Variants in HCRTR2 observed in about 807,000 individuals in gnomAD.
HCRTR2 encodes the protein hypocretin receptor 2, also known as orexin receptor type 2.
Under a neutral mutation model 49.0 loss-of-function variants are expected in HCRTR2, and 22 were observed. The ratio of observed to expected loss-of-function variants is 0.45; its 90% CI spans 0.32 to 0.64. HCRTR2 has a LOEUF of 0.64. Ranked by LOEUF, HCRTR2 falls within the 30% of genes least tolerant of loss-of-function variation. HCRTR2 has a pLI of 0.04. For synonymous variants in HCRTR2, 236 were observed against 205.3 expected (o/e 1.15, Z -1.28); for missense variants, 491 against 559.4 (o/e 0.88, Z 1.23).
At chr6:55,133,605 A>G (rs1490813461) in intron 1 of HCRTR2, among the ~76,000 whole-genome samples, 1 of 151,886 alleles carries the variant, frequency 6.6e-6, no homozygotes, top group Non-Finnish European at 1.5e-5. Context: ...GAAACATTGT[A>G]CGTTCTAAGA....
At chr6:55,272,096 A>G (rs1190608673) in intron 4 of HCRTR2, among the ~76,000 whole-genome samples, 1 of 152,152 alleles carries the variant, frequency 6.6e-6, no homozygotes, top group Non-Finnish European at 1.5e-5. Context: ...GTAGCCAAAA[A>G]GTGGAAACAA....
chr6:55,186,800 A>G (rs1581815839), intron 1 of HCRTR2, among the ~76,000 whole-genome samples: 1 of 152,212 alleles, frequency 6.6e-6, no homozygotes, highest in African/African-American at 2.4e-5. Context: ...GGACAGACAT[A>G]TCCTCACCTG....
chr6:55,224,986 AAG>A (rs1765974564), intron 1 of HCRTR2, among the ~76,000 whole-genome samples: 1 of 152,186 alleles, frequency 6.6e-6, no homozygotes, highest in Admixed American at 6.5e-5. Context: ...TCAAATTGCT[AAG>A]AGAGTAGATT....
chr6:55,188,941 T>C (rs1218680983), intron 1 of HCRTR2, among the ~76,000 whole-genome samples: 2 of 152,190 alleles, frequency 1.3e-5, no homozygotes, highest in Admixed American at 6.5e-5. Context: ...TCCACCTACA[T>C]TGGTGAAGTA....
intron 1 of HCRTR2, among the ~76,000 whole-genome samples, chr6:55,184,130 T>G (rs1765178501): frequency 6.6e-6 from 1 of 152,124 alleles, no homozygotes; most frequent in South Asian, 2.1e-4. Flanking sequence ...GATTTCACCG[T>G]GTTGCTCAGA....
chr6:55,171,801 G>A (rs4467775), upstream of HCRTR2, among the ~76,000 whole-genome samples: 24 of 151,978 alleles, frequency 1.6e-4, no homozygotes, highest in African/African-American at 4.4e-4. Context: ...GAAGATTTAC[G>A]AAGAGAAGAC....
chr6:55,204,784 C>G (rs1257061652), intron 1 of HCRTR2, among the ~76,000 whole-genome samples: 1 of 152,034 alleles, frequency 6.6e-6, no homozygotes, highest in Admixed American at 6.6e-5. Flanking sequence ...TTCCCCTCCC[C>G]TCCCCTCCCC....
At chr6:55,118,614 C>G (rs1764152380) in intron 1 of HCRTR2, among the ~76,000 whole-genome samples, 1 of 151,782 alleles carries the variant, frequency 6.6e-6, no homozygotes, top group Non-Finnish European at 1.5e-5. Flanking sequence ...TAGGTAGTAT[C>G]TCATTGTGGT....
intron 1 of HCRTR2, among the ~76,000 whole-genome samples, chr6:55,152,664 T>A (rs1385182083): frequency 6.6e-6 from 1 of 151,928 alleles, no homozygotes; most frequent in Non-Finnish European, 1.5e-5. Flanking sequence ...GGTATCCTCA[T>A]CTGGTAGAAA....
intron 1 of HCRTR2, among the ~76,000 whole-genome samples, chr6:55,239,225 C>A (rs1474089842): frequency 6.6e-6 from 1 of 152,202 alleles, no homozygotes; most frequent in East Asian, 1.9e-4. Flanking sequence ...TTTCCTCAGG[C>A]CAGCCTTAAA....
At chr6:55,151,380 T>G (rs1764662723) in intron 1 of HCRTR2, among the ~76,000 whole-genome samples, 1 of 152,034 alleles carries the variant, frequency 6.6e-6, no homozygotes, top group Non-Finnish European at 1.5e-5. Context: ...TTCTTGTCAT[T>G]TCAACGGTGT....
intron 1 of HCRTR2, among the ~76,000 whole-genome samples, chr6:55,125,703 A>G (rs1024380667): frequency 2.0e-5 from 3 of 152,092 alleles, no homozygotes; most frequent in Non-Finnish European, 4.4e-5. Context: ...TATCCTGAAG[A>G]GTGTTTTCCA....
chr6:55,239,902 G>A (rs1236671577), intron 1 of HCRTR2, among the ~76,000 whole-genome samples: 1 of 150,460 alleles, frequency 6.6e-6, no homozygotes, highest in East Asian at 2.0e-4. Flanking sequence ...CTTAGCCTCC[G>A]GAGTAGCTGG....
At chr6:55,251,539 A>G (rs1318846015) in intron 2 of HCRTR2, among the ~76,000 whole-genome samples, 1 of 151,890 alleles carries the variant, frequency 6.6e-6, no homozygotes, top group Non-Finnish European at 1.5e-5. Context: ...ACTGCAGAAG[A>G]CGCCCTACAC....
intron 1 of HCRTR2, among the ~76,000 whole-genome samples, chr6:55,210,635 C>T (rs1037441962): frequency 1.4e-4 from 22 of 152,184 alleles, no homozygotes; most frequent in Non-Finnish European, 3.1e-4. Flanking sequence ...CCAAAACACA[C>T]AGACATGACC....
chr6:55,277,280 G>A (rs1767094022), intron 4 of HCRTR2, 100 bp from the exon 5 acceptor site: 3 of 936,156 alleles, frequency 3.2e-6, no homozygotes, highest in Middle Eastern at 2.6e-4. Flanking sequence ...CACACCTCAG[G>A]CGTCTGGAAG....
At chr6:55,268,946 C>T (rs954181156) in intron 4 of HCRTR2, among the ~76,000 whole-genome samples, 4 of 151,594 alleles carry the variant, frequency 2.6e-5, no homozygotes, top group Admixed American at 1.3e-4. Context: ...AAAAATTAGC[C>T]GGGTGAGGTG....
intron 1 of HCRTR2, among the ~76,000 whole-genome samples, chr6:55,178,996 T>C (rs1228353106): frequency 1.3e-5 from 2 of 152,204 alleles, no homozygotes; most frequent in Non-Finnish European, 2.9e-5. Flanking sequence ...AAATACATTG[T>C]GAAGTATTCA....
At chr6:55,183,398 A>G (rs982294051) in intron 1 of HCRTR2, among the ~76,000 whole-genome samples, 2 of 152,220 alleles carry the variant, frequency 1.3e-5, no homozygotes, top group Admixed American at 6.5e-5. Context: ...AGCTATGAAG[A>G]AAGTGTTAGG....
Sources: gnomAD v4.1 joint callset for allele counts (sites outside exome capture counted in the v4.1 genomes callset) on GRCh38, gnomAD v4.1.1 for gene constraint, MANE v1.5 for transcripts, NCBI Gene and HGNC (gene_info 2026-07-23, HGNC 2026-07-21) for gene names.